Variants in CHD7 observed in about 807,000 individuals in gnomAD.
The protein encoded by CHD7 is ATP-dependent chromatin remodeler CHD7.
In CHD7, 24 loss-of-function variants were observed where a neutral mutation model predicts 307.3. That is an observed-to-expected ratio of 0.08 (90% CI 0.06 to 0.11). CHD7 has a LOEUF of 0.11. Ranked by LOEUF, CHD7 falls within the 10% of genes least tolerant of loss-of-function variation. The pLI, the probability that CHD7 is intolerant of heterozygous loss-of-function variation, is 1.00. For synonymous variants in CHD7, 1,363 were observed against 1,349.9 expected (o/e 1.01, Z -0.21); for missense variants, 3,106 against 3,727.1 (o/e 0.83, Z 4.34).
intron 2 of CHD7, among the ~76,000 whole-genome samples, chr8:60,759,745 C>T (rs1371477343): frequency 6.6e-6 from 1 of 152,074 alleles, no homozygotes; most frequent in South Asian, 2.1e-4. Flanking sequence ...TAAAAATTCT[C>T]TTAGTGAAAA....
intron 2 of CHD7, among the ~76,000 whole-genome samples, chr8:60,759,991 C>T (rs988911621): frequency 1.3e-5 from 2 of 152,082 alleles, no homozygotes; most frequent in Non-Finnish European, 2.9e-5. Flanking sequence ...GCTGTGGCTC[C>T]CACTGAGTGG....
At chr8:60,835,976 G>A (rs927184879) in intron 15 of CHD7, 97 bp from the exon 16 acceptor site, 1 of 841,932 alleles carries the variant, frequency 1.2e-6, no homozygotes. Flanking sequence ...TGGTGTTCTG[G>A]TTCCTACAGT....
chr8:60,775,933 A>G (rs971880183), intron 2 of CHD7, among the ~76,000 whole-genome samples: 1 of 151,768 alleles, frequency 6.6e-6, no homozygotes, highest in African/African-American at 2.4e-5. Flanking sequence ...AATTTTTTGT[A>G]TTTTTTAGTA....
intron 2 of CHD7, among the ~76,000 whole-genome samples, chr8:60,747,235 C>T (rs562291349): frequency 6.6e-6 from 1 of 151,664 alleles, no homozygotes; most frequent in South Asian, 2.1e-4. Context: ...GCCACCACGC[C>T]CAGCTTTTTT....
intron 2 of CHD7, among the ~76,000 whole-genome samples, chr8:60,767,390 G>C (rs4500113): frequency 0.78 from 118,361 of 152,116 alleles, 46,319 homozygotes; most frequent in East Asian, 0.94. Flanking sequence ...TTCAAAAGTA[G>C]GTTGGTAGGT....
chr8:60,824,089 A>C (rs1374764739), intron 13 of CHD7, 73 bp downstream of exon 13: 1 of 1,285,822 alleles, frequency 7.8e-7, no homozygotes, highest in African/African-American at 1.5e-5. Flanking sequence ...CGTTGCTCAG[A>C]ATTTGATGCC....
At position 60,739,481 on chromosome 8, in the gene CHD7, A is replaced by G. The variant is rs959177696; in HGVS notation, c.-174-1778A>G. ...TTGGATTTTAAAATAGTTGTATAGT[A>G]AAGCAGCGTGTTTTCAGTAAAATAG... On this transcript the variant is annotated intron_variant, in intron 1 of 37. Coordinates refer to ENST00000423902, the MANE Select transcript of CHD7 (RefSeq NM_017780.4). Among the ~76,000 whole-genome samples the G allele has an allele frequency of 2.0e-5, 3 of 152,222 alleles. No individual in the cohort carries two copies. The East Asian group carries it at 5.8e-4, about 29-fold the overall frequency.
chr8:60,835,550 T>C (rs1161202959), intron 15 of CHD7, among the ~76,000 whole-genome samples: 1 of 152,232 alleles, frequency 6.6e-6, no homozygotes, highest in African/African-American at 2.4e-5. Flanking sequence ...GGAAATAAAT[T>C]CCTCTTTTTG....
At chr8:60,749,658 C>T (rs554737722) in intron 2 of CHD7, among the ~76,000 whole-genome samples, 2 of 152,232 alleles carry the variant, frequency 1.3e-5, no homozygotes, top group African/African-American at 2.4e-5. Context: ...CAGGTATATG[C>T]ACCTTCAGAA....
In CHD7 at chr8:60,742,185, C is replaced by G; in HGVS notation, c.753C>G (p.His251Gln). 2 of 1,613,954 alleles carry G rather than the reference C, an allele frequency of 1.2e-6. No homozygotes were observed. Among genetic ancestry groups the G allele is most frequent in the Non-Finnish European group, 1.7e-6 (2 of 1,179,874 alleles). The change falls in exon 2 of 38, where the codon CAC becomes CAG. Residue 251 changes from histidine to glutamine, a missense_variant. Transcript: ENST00000423902. Reference protein sequence around the residue: ...QSPSMAPSLRHSVQQFHHHPS... With the variant: ...QSPSMAPSLRQSVQQFHHHPS... ...CCAGCATGGCACCTTCCTTGCGTCA[C>G]TCGGTGCAGCAGTTCCATCACCACC...
intron 8 of CHD7, among the ~76,000 whole-genome samples, chr8:60,818,210 T>A (rs2150741992): frequency 6.6e-6 from 1 of 152,344 alleles, no homozygotes; most frequent in South Asian, 2.1e-4. Flanking sequence ...CTTTGAGATT[T>A]TCAGTTTCAG....
intron 1 of CHD7, among the ~76,000 whole-genome samples, chr8:60,734,833 G>A (rs1229748328): frequency 6.6e-6 from 1 of 152,156 alleles, no homozygotes; most frequent in African/African-American, 2.4e-5. Context: ...TGAAAGCTAT[G>A]GGAGGTCCTT....
At chr8:60,718,589 G>T (rs953711703) in intron 1 of CHD7, among the ~76,000 whole-genome samples, 2 of 152,190 alleles carry the variant, frequency 1.3e-5, no homozygotes, top group Non-Finnish European at 1.5e-5. Flanking sequence ...CTTTTGTATG[G>T]CTGTACAATG....
At position 60,865,318 on chromosome 8, in the gene CHD7, T is replaced by G; in HGVS notation, c.8379T>G (p.Ala2793=). Residue 2793 remains alanine (A), a synonymous_variant, in exon 38 of 38, where the codon GCT becomes GCG. Coordinates refer to ENST00000423902, the MANE Select transcript of CHD7 (RefSeq NM_017780.4). This position sits in a 1 kb window ranked among gnomAD's most constrained non-coding sequence, Gnocchi z 4.3. ...ATAGGDAKNP[A]AVLPLMLPGM... is the part of the protein sequence containing the mutation. ...CCGGAGGCGATGCGAAGAACCCTGC[T>G]GCTGTGCTGCCCCTGATGCTGCCAG... The G allele has an allele frequency of 6.2e-7, 1 of 1,612,072 alleles. No homozygotes were observed. Among genetic ancestry groups the G allele is most frequent in the Non-Finnish European group, 8.5e-7 (1 of 1,179,246 alleles).
intron 19 of CHD7, among the ~76,000 whole-genome samples, chr8:60,841,363 C>T (rs1375003811): frequency 6.6e-6 from 1 of 152,196 alleles, no homozygotes; most frequent in African/African-American, 2.4e-5. Flanking sequence ...CAACACCCTG[C>T]CTGAACCAGG....
chr8:60,790,996 G>T (rs1220203561), intron 3 of CHD7, among the ~76,000 whole-genome samples: 1 of 152,124 alleles, frequency 6.6e-6, no homozygotes, highest in Non-Finnish European at 1.5e-5. Flanking sequence ...ATACATGTGT[G>T]TTTTGGGGAA....
intron 1 of CHD7, among the ~76,000 whole-genome samples, chr8:60,695,259 A>T (rs1428906038): frequency 6.6e-6 from 1 of 152,256 alleles, no homozygotes; most frequent in Non-Finnish European, 1.5e-5. Flanking sequence ...AAGGTCTGCA[A>T]CTTACAGTTC....
rs1265115440 is a variant in CHD7, at chr8:60,866,895, G to T, written c.*962G>T. On this transcript the variant is annotated 3_prime_UTR_variant, in exon 38 of 38. Transcript: ENST00000423902. ...TTTTAATAAAAGTGACCCATGATAT[G>T]CAGAGATGTAATTATAGAATGTAGT... The T allele has an allele frequency of 6.6e-6, 1 of 152,566 alleles. No individual in the cohort carries two copies. Among genetic ancestry groups the T allele is most frequent in the African/African-American group, 2.4e-5 (1 of 41,424 alleles). 9.5% of individuals were successfully genotyped at this position (152,566 alleles called of 1,614,324 possible).
chr8:60,801,038 AT>A (rs1812286734), intron 5 of CHD7, among the ~76,000 whole-genome samples: 1 of 152,268 alleles, frequency 6.6e-6, no homozygotes, highest in African/African-American at 2.4e-5. Flanking sequence ...TTCTAAAAAA[AT>A]AATGCTTTTT....
Sources: allele counts gnomAD v4.1 joint callset (sites outside exome capture counted in the v4.1 genomes callset), GRCh38; gene constraint gnomAD v4.1.1; non-coding constraint Gnocchi (gnomAD v3.1); transcripts MANE v1.5; gene names NCBI Gene and HGNC (gene_info 2026-07-23, HGNC 2026-07-21).